RHOBTB1: variants seen among roughly 807,000 people sequenced by gnomAD.
RHOBTB1 encodes rho-related BTB domain-containing protein 1.
RHOBTB1 carries 40 observed loss-of-function variants against 71.6 expected under a neutral mutation model. The ratio of observed to expected loss-of-function variants is 0.56; its 90% CI spans 0.43 to 0.73. RHOBTB1 has a LOEUF of 0.73. Among genes scored for constraint, RHOBTB1 ranks in the 30% least tolerant of loss-of-function variants. The probability of loss-of-function intolerance (pLI) is 0.00; values close to 1 mark genes in which losing one functional copy is unlikely to be tolerated. For missense variants in RHOBTB1, 797 were observed against 894.0 expected (o/e 0.89, Z 1.38); for synonymous variants, 319 against 334.9 (o/e 0.95, Z 0.52).
At chr10:60,945,362 T>C (rs1341716716), upstream of RHOBTB1, among the ~76,000 whole-genome samples, 1 of 152,208 alleles carries the variant, frequency 6.6e-6, no homozygotes. Context: ...ATGTCATTCT[T>C]GGCCTCACCG....
At chr10:60,898,365 G>A (rs1004220312) in intron 4 of RHOBTB1, among the ~76,000 whole-genome samples, 1 of 152,166 alleles carries the variant, frequency 6.6e-6, no homozygotes, top group Admixed American at 6.5e-5. Flanking sequence ...CATGCATATA[G>A]TCTGACAGGG....
chr10:60,862,100 C>A, the RHOBTB1 span, among the ~76,000 whole-genome samples: 2 of 151,118 alleles, frequency 1.3e-5, no homozygotes, highest in South Asian at 4.2e-4. Context: ...TCTTTCCCTT[C>A]TTCCTTCCTT....
intron 2 of RHOBTB1, among the ~76,000 whole-genome samples, chr10:60,923,334 A>G (rs1479772424): frequency 1.3e-5 from 2 of 152,250 alleles, no homozygotes; most frequent in Non-Finnish European, 1.5e-5. Context: ...AAAGAAGATA[A>G]TGTACATTTA....
Position 60,976,101 on chromosome 10 carries a change from A to G in RHOBTB1, c.-62+9744T>C, listed in dbSNP as rs536435575. ...AAGCTGCAATATGGGTCAAATAAAT[A>G]TAAATGGGAATAATAAATGCCATCG... On this transcript the variant is annotated intron_variant, in intron 2 of 11. Transcript: ENST00000357917. Among the ~76,000 whole-genome samples, 645 of 152,156 alleles carry G rather than the reference A, an allele frequency of 4.2e-3. 1 individual carries two copies. Among genetic ancestry groups the G allele is most frequent in the Non-Finnish European group, 7.1e-3 (482 of 67,970 alleles).
intron 2 of RHOBTB1, among the ~76,000 whole-genome samples, chr10:60,968,614 T>C (rs1433069386): frequency 6.6e-6 from 1 of 152,074 alleles, no homozygotes; most frequent in Non-Finnish European, 1.5e-5. Context: ...TGAATGTGGA[T>C]CTGATTTTCA....
chr10:60,898,496 C>A (rs549711118), intron 4 of RHOBTB1, among the ~76,000 whole-genome samples: 5 of 152,140 alleles, frequency 3.3e-5, no homozygotes, highest in Admixed American at 1.3e-4. Context: ...GTATGAGATG[C>A]AGAGGGAGTT....
chr10:60,935,276 C>A (rs1477068406), intron 2 of RHOBTB1, among the ~76,000 whole-genome samples: 1 of 151,924 alleles, frequency 6.6e-6, no homozygotes, highest in East Asian at 1.9e-4. Flanking sequence ...CAAAAGCAGG[C>A]AAAACTAATT....
At chr10:60,972,389 C>T (rs1385269621) in intron 2 of RHOBTB1, among the ~76,000 whole-genome samples, 1 of 152,098 alleles carries the variant, frequency 6.6e-6, no homozygotes, top group Non-Finnish European at 1.5e-5. Context: ...TTTGCAGGGA[C>T]ATGGATGAAG....
At chr10:60,934,469 G>A (rs551476222) in intron 2 of RHOBTB1, among the ~76,000 whole-genome samples, 88 of 152,196 alleles carry the variant, frequency 5.8e-4, no homozygotes, top group African/African-American at 1.9e-3. Context: ...CAAGACCATG[G>A]GAAAACATTC....
intron 2 of RHOBTB1, among the ~76,000 whole-genome samples, chr10:60,915,336 T>C (rs2083214298): frequency 6.6e-6 from 1 of 152,160 alleles, no homozygotes; most frequent in South Asian, 2.1e-4. Context: ...GTAATAAGTA[T>C]TATTCATTTA....
upstream of RHOBTB1, among the ~76,000 whole-genome samples, chr10:60,945,580 G>A (rs2085190538): frequency 1.3e-5 from 2 of 152,158 alleles, no homozygotes; most frequent in African/African-American, 2.4e-5. Context: ...ATTCCCAGGT[G>A]ACTTCCAGTC....
intron 4 of RHOBTB1, among the ~76,000 whole-genome samples, chr10:60,896,308 G>A (rs1055192790): frequency 6.6e-6 from 1 of 152,204 alleles, no homozygotes; most frequent in African/African-American, 2.4e-5. Flanking sequence ...TAACTTTGAA[G>A]AGTCAGTTTA....
At chr10:60,985,206 T>G (rs937836627) in intron 2 of RHOBTB1, among the ~76,000 whole-genome samples, 3 of 139,008 alleles carry the variant, frequency 2.2e-5, no homozygotes, top group Admixed American at 7.5e-5. Context: ...AGAGTGAAAA[T>G]AACAAATAAT....
At chr10:60,962,502 A>G (rs2085817124) in intron 2 of RHOBTB1, among the ~76,000 whole-genome samples, 1 of 152,324 alleles carries the variant, frequency 6.6e-6, no homozygotes, top group African/African-American at 2.4e-5. Flanking sequence ...TGTATAAAGT[A>G]TGCTCTTTAT....
upstream of RHOBTB1, among the ~76,000 whole-genome samples, chr10:60,947,100 C>T (rs1407153165): frequency 6.6e-6 from 1 of 152,090 alleles, no homozygotes; most frequent in East Asian, 1.9e-4. Context: ...GTAGTACAGA[C>T]CGTATTTTGC....
At chr10:60,891,435 G>A (rs911460129) in intron 5 of RHOBTB1, among the ~76,000 whole-genome samples, 5 of 142,804 alleles carry the variant, frequency 3.5e-5, no homozygotes, top group African/African-American at 1.3e-4. Flanking sequence ...TGTCCTCCCA[G>A]GTTCAGGTGA....
At chr10:60,874,926 A>G (rs992249464) in intron 9 of RHOBTB1, 28 bp downstream of exon 9, 3 of 1,481,458 alleles carry the variant, frequency 2.0e-6, no homozygotes, top group Non-Finnish European at 2.8e-6. Context: ...GAACACACTT[A>G]AAAGGTAAAA....
downstream of RHOBTB1, among the ~76,000 whole-genome samples, chr10:60,866,739 C>T (rs1198016525): frequency 6.6e-6 from 1 of 152,026 alleles, no homozygotes; most frequent in Non-Finnish European, 1.5e-5. Flanking sequence ...AAGGGTCACC[C>T]TTTCTTCTTT....
At chr10:60,943,333 G>C (rs1351663643) in intron 1 of RHOBTB1, among the ~76,000 whole-genome samples, 1 of 152,182 alleles carries the variant, frequency 6.6e-6, no homozygotes, top group African/African-American at 2.4e-5. Flanking sequence ...CTTCTTTTCG[G>C]GGGGCAGAGG....
Sources: allele counts gnomAD v4.1 joint callset (sites outside exome capture counted in the v4.1 genomes callset), GRCh38; gene constraint gnomAD v4.1.1; transcripts MANE v1.5; gene names NCBI Gene and HGNC (gene_info 2026-07-23, HGNC 2026-07-21).